Variants in CCDC12 observed in about 807,000 individuals in gnomAD.
The protein encoded by CCDC12 is coiled-coil domain-containing protein 12.
A neutral mutation model predicts 25.7 loss-of-function variants in CCDC12; 28 were observed. The observed-to-expected ratio is 1.09, with a 90% confidence interval of 0.81 to 1.50. The LOEUF is 1.50. CCDC12 is among the 40% of genes most tolerant of loss of function. The pLI, the probability that CCDC12 is intolerant of heterozygous loss-of-function variation, is 0.00. For synonymous variants in CCDC12, 75 were observed against 87.7 expected (o/e 0.86, Z 0.81); for missense variants, 198 against 210.0 (o/e 0.94, Z 0.35).
At chr3:46,958,574 G>A (rs1217643442) in intron 1 of CCDC12, among the ~76,000 whole-genome samples, 2 of 152,138 alleles carry the variant, frequency 1.3e-5, no homozygotes, top group East Asian at 3.8e-4. Flanking sequence ...CCGACCCTCG[G>A]TTTGGTTCTG....
At chr3:46,929,617 T>C (rs982421112) in intron 2 of CCDC12, among the ~76,000 whole-genome samples, 20 of 152,220 alleles carry the variant, frequency 1.3e-4, no homozygotes, top group African/African-American at 4.8e-4. Flanking sequence ...GCCACCCCCA[T>C]TTTAGAATGA....
chr3:46,942,502 A>C (rs1282827007), intron 1 of CCDC12, among the ~76,000 whole-genome samples: 1 of 152,204 alleles, frequency 6.6e-6, no homozygotes, highest in Non-Finnish European at 1.5e-5. Context: ...TACTTGAACT[A>C]CCTTTCCTAG....
chr3:46,949,151 G>T (rs981436590), intron 1 of CCDC12, among the ~76,000 whole-genome samples: 1 of 152,208 alleles, frequency 6.6e-6, no homozygotes, highest in Non-Finnish European at 1.5e-5. Context: ...GTGACCCACA[G>T]GGGAAAAGGG....
At chr3:46,943,528 C>T (rs1280328532) in intron 1 of CCDC12, among the ~76,000 whole-genome samples, 1 of 152,194 alleles carries the variant, frequency 6.6e-6, no homozygotes, top group African/African-American at 2.4e-5. Flanking sequence ...GTTCTGTTAA[C>T]CCGAACCACC....
chr3:46,938,523 T>TG (rs1237905146), intron 2 of CCDC12, among the ~76,000 whole-genome samples: 2 of 143,320 alleles, frequency 1.4e-5, no homozygotes, highest in African/African-American at 2.6e-5. Flanking sequence ...CTCCTGTTTT[T>TG]TTTTTTTTTT....
chr3:46,947,672 T>C (rs1378818), intron 1 of CCDC12, among the ~76,000 whole-genome samples: 144,681 of 152,222 alleles, frequency 0.95, 69,210 homozygotes, highest in East Asian at 1. Flanking sequence ...TTGGTCCGAG[T>C]ATCCACTCTA....
At chr3:46,964,346 G>A (rs1177135525) in intron 1 of CCDC12, among the ~76,000 whole-genome samples, 36 of 141,894 alleles carry the variant, frequency 2.5e-4, no homozygotes, top group East Asian at 2.2e-4. Context: ...GTCAGCCCCC[G>A]CCCGGCCAGC....
intron 1 of CCDC12, among the ~76,000 whole-genome samples, chr3:46,952,780 T>C (rs1236713990): frequency 6.6e-6 from 1 of 152,176 alleles, no homozygotes; most frequent in Non-Finnish European, 1.5e-5. Context: ...CAATAATTAA[T>C]CACTATGAAA....
At chr3:46,938,518 G>GT (rs66474878) in intron 2 of CCDC12, among the ~76,000 whole-genome samples, 41,687 of 91,294 alleles carry the variant, frequency 0.46, 10,721 homozygotes, top group East Asian at 0.6. Flanking sequence ...TTCCCCTCCT[G>GT]TTTTTTTTTT....
intron 1 of CCDC12, among the ~76,000 whole-genome samples, chr3:46,941,910 G>A (rs990984410): frequency 5.3e-5 from 8 of 152,242 alleles, no homozygotes; most frequent in Non-Finnish European, 8.8e-5. Context: ...CTTGCAACAA[G>A]ATTCACTGCC....
chr3:46,969,543 T>C (rs2034739367), intron 1 of CCDC12, among the ~76,000 whole-genome samples: 1 of 152,164 alleles, frequency 6.6e-6, no homozygotes, highest in Non-Finnish European at 1.5e-5. Context: ...CGCACTCCCA[T>C]TTCTTGAGTG....
chr3:46,932,034 C>T (rs926097395), intron 2 of CCDC12, among the ~76,000 whole-genome samples: 8 of 152,100 alleles, frequency 5.3e-5, no homozygotes, highest in African/African-American at 1.7e-4. Context: ...AGAGGCCAGA[C>T]TCGACAGAAG....
At chr3:46,966,980 G>A (rs770472963) in intron 1 of CCDC12, among the ~76,000 whole-genome samples, 1 of 151,968 alleles carries the variant, frequency 6.6e-6, no homozygotes, top group Non-Finnish European at 1.5e-5. Context: ...CCTGCAGAGC[G>A]AGCCTCAGGG....
chr3:46,965,482 G>A (rs779147087), intron 1 of CCDC12, among the ~76,000 whole-genome samples: 10 of 152,316 alleles, frequency 6.6e-5, no homozygotes, highest in Non-Finnish European at 1.2e-4. Flanking sequence ...CATCTGCCTC[G>A]ATGGAAACCG....
intron 2 of CCDC12, among the ~76,000 whole-genome samples, chr3:46,926,515 G>A (rs949744875): frequency 2.6e-5 from 4 of 152,224 alleles, no homozygotes; most frequent in African/African-American, 7.2e-5. Flanking sequence ...TCAGGCAGGG[G>A]TGGCTGAACC....
intron 1 of CCDC12, among the ~76,000 whole-genome samples, chr3:46,951,436 G>A (rs372956921): frequency 2.6e-5 from 4 of 151,714 alleles, no homozygotes; most frequent in Non-Finnish European, 5.9e-5. Flanking sequence ...GAAACATCAC[G>A]TTGTACACCA....
At chr3:46,942,674 TCATGAGAACAGATCAA>T (rs1392387517) in intron 1 of CCDC12, among the ~76,000 whole-genome samples, 2 of 152,168 alleles carry the variant, frequency 1.3e-5, no homozygotes, top group Admixed American at 1.3e-4. Context: ...AAGGCTTCTG[TCATGAGAACAGATCAA>T]CATGCCCCCC....
At chr3:46,925,896 A>T (rs948505842) in intron 2 of CCDC12, among the ~76,000 whole-genome samples, 6 of 152,216 alleles carry the variant, frequency 3.9e-5, no homozygotes, top group Non-Finnish European at 1.5e-5. Context: ...TTTTCATAGG[A>T]TCACACAGCA....
At chr3:46,939,545 G>A (rs2033609555) in intron 2 of CCDC12, among the ~76,000 whole-genome samples, 1 of 152,184 alleles carries the variant, frequency 6.6e-6, no homozygotes, top group South Asian at 2.1e-4. Flanking sequence ...AGCCACATAT[G>A]TTGGGGTCAC....
Sources: allele counts gnomAD v4.1 joint callset (sites outside exome capture counted in the v4.1 genomes callset), GRCh38; gene constraint gnomAD v4.1.1; transcripts MANE v1.5; gene names NCBI Gene and HGNC (gene_info 2026-07-23, HGNC 2026-07-21).